The following SORCS2 variants were observed in gnomAD, a reference collection of about 807,000 sequenced individuals.
SORCS2 encodes the protein sortilin related VPS10 domain containing receptor 2.
SORCS2 carries 100 observed loss-of-function variants against 141.6 expected under a neutral mutation model. The ratio of observed to expected loss-of-function variants is 0.71; its 90% CI spans 0.60 to 0.83. The LOEUF (loss-of-function observed/expected upper bound fraction) is 0.83. Among genes scored for constraint, SORCS2 ranks in the 40% least tolerant of loss-of-function variants. The probability of loss-of-function intolerance (pLI) is 0.00; values close to 1 mark genes in which losing one functional copy is unlikely to be tolerated. For synonymous variants in SORCS2, 789 were observed against 676.9 expected (o/e 1.17, Z -2.57); for missense variants, 1,646 against 1,560.2 (o/e 1.05, Z -0.93).
At chr4:7,574,600 G>A (rs1715624733) in intron 3 of SORCS2, among the ~76,000 whole-genome samples, 1 of 151,926 alleles carries the variant, frequency 6.6e-6, no homozygotes, top group Non-Finnish European at 1.5e-5. Flanking sequence ...AGAGAGGCAG[G>A]GAGGCAAGGA....
intron 1 of SORCS2, among the ~76,000 whole-genome samples, chr4:7,353,451 G>A (rs1343356156): frequency 3.3e-5 from 5 of 152,212 alleles, no homozygotes; most frequent in South Asian, 2.1e-4. Flanking sequence ...CCTGATATGC[G>A]GGTTCCTGTG....
intron 1 of SORCS2, among the ~76,000 whole-genome samples, chr4:7,333,376 C>T (rs888734176): frequency 6.6e-5 from 10 of 152,196 alleles, no homozygotes; most frequent in Admixed American, 1.3e-4. Context: ...AGGTGTTAAA[C>T]GTGTTCCCGT....
rs532280396 is a variant in SORCS2 at position 7,665,892 on chromosome 4, G to A, written c.1072-1232G>A. Among the ~76,000 whole-genome samples the A allele has an allele frequency of 1.4e-4, 21 of 152,268 alleles. No homozygotes were observed. The South Asian group carries it at 1.5e-3, about 11-fold the overall frequency. On this transcript the variant is annotated intron_variant, in intron 7 of 26. Coordinates refer to ENST00000507866, the MANE Select transcript of SORCS2 (RefSeq NM_020777.3). ...AGACCCCCGGAGCTCACCTATGGCC[G>A]AGCAGGCTGGGTTATCACTCAGTGC... is the stretch of plus-strand genomic sequence containing the variant.
At chr4:7,272,266 T>G (rs1715195641) in intron 1 of SORCS2, among the ~76,000 whole-genome samples, 1 of 152,216 alleles carries the variant, frequency 6.6e-6, no homozygotes, top group Non-Finnish European at 1.5e-5. Flanking sequence ...CATCTTTGCT[T>G]TGCTGTCTTC....
At position 7,723,792 on chromosome 4, in the gene SORCS2, C is replaced by G; in HGVS notation, c.2520C>G (p.His840Gln). ...CACTGACCGGGGAGCCCATCCGGCACCGCTACGAGAGCCCCGGCATCTACC... is the reference window on the plus strand; with the variant it reads ...CACTGACCGGGGAGCCCATCCGGCAGCGCTACGAGAGCCCCGGCATCTACC... ...NLTLTGEPIRHRYESPGIYRV... is the reference protein window; with the variant it reads ...NLTLTGEPIRQRYESPGIYRV... The change falls in exon 19 of 27, where the codon CAC becomes CAG. Residue 840 changes from histidine to glutamine, a missense_variant. Coordinates refer to ENST00000507866, the MANE Select transcript of SORCS2 (RefSeq NM_020777.3). The G allele has an allele frequency of 1.2e-6, 2 of 1,613,910 alleles. No individual in the cohort carries two copies. The highest frequency in any genetic ancestry group is 1.7e-6 in the Non-Finnish European group (2 of 1,179,898).
At chr4:7,539,986 A>G (rs1577718131) in intron 3 of SORCS2, among the ~76,000 whole-genome samples, 1 of 91,702 alleles carries the variant, frequency 1.1e-5, no homozygotes, top group Non-Finnish European at 2.1e-5. Flanking sequence ...TTCCTGTTGC[A>G]AAGGCCCCAC....
In SORCS2 at chr4:7,409,048, T is replaced by C. The variant is rs61209648; in HGVS notation, c.548+12693T>C. Among the ~76,000 whole-genome samples the C allele has an allele frequency of 3.2e-3, 491 of 152,376 alleles. 4 individuals carry two copies. Among genetic ancestry groups the C allele is most frequent in the African/African-American group, 0.011 (442 of 41,596 alleles). ...AATTCTTGGTCAAGGAGCTCACGTA[T>C]CATCATCTCATTAGAGTCAGTTACT... is the stretch of plus-strand genomic sequence containing the variant. On this transcript the variant is annotated intron_variant, in intron 2 of 26. Coordinates refer to ENST00000507866, the MANE Select transcript of SORCS2 (RefSeq NM_020777.3).
chr4:7,388,111 CATGCACACACATGTGCACACAG>C (rs1723592679), intron 1 of SORCS2, among the ~76,000 whole-genome samples: 1 of 151,754 alleles, frequency 6.6e-6, no homozygotes, highest in South Asian at 2.1e-4. Context: ...TGCACAGACA[CATGCACACACATGTGCACACAG>C]ATGCACACAT....
rs994511275 is a variant in SORCS2, at chr4:7,387,953, T to C, written c.481-8335T>C. Among the ~76,000 whole-genome samples, 155 of 124,624 alleles carry C rather than the reference T, an allele frequency of 1.2e-3. 1 individual carries two copies. Among genetic ancestry groups the C allele is most frequent in the African/African-American group, 5.1e-3 (147 of 29,020 alleles). 81.8% of individuals were successfully genotyped at this position (124,624 alleles called of 152,430 possible). Reference sequence around the variant, plus strand: ...GCACACACCGATACACATACACACATGCACACACACACAGATACACAGAGA... The same window carrying C: ...GCACACACCGATACACATACACACACGCACACACACACAGATACACAGAGA... On this transcript the variant is annotated intron_variant, in intron 1 of 26. Coordinates refer to ENST00000507866, the MANE Select transcript of SORCS2 (RefSeq NM_020777.3).
chr4:7,545,872 T>C (rs1289783583), intron 3 of SORCS2, among the ~76,000 whole-genome samples: 1 of 152,190 alleles, frequency 6.6e-6, no homozygotes, highest in Non-Finnish European at 1.5e-5. Context: ...ACAACAGACA[T>C]TTATTTCTCA....
intron 1 of SORCS2, among the ~76,000 whole-genome samples, chr4:7,269,560 G>A (rs1182587004): frequency 6.6e-6 from 1 of 152,358 alleles, no homozygotes. Flanking sequence ...AGGAAAGGGA[G>A]CTTTGAGACA....
intron 2 of SORCS2, among the ~76,000 whole-genome samples, chr4:7,429,873 G>A (rs1392253447): frequency 1.3e-5 from 2 of 152,162 alleles, no homozygotes; most frequent in Non-Finnish European, 2.9e-5. Context: ...CACCTCTGGG[G>A]AATAGAATAA....
chr4:7,329,380 C>T (rs1016741340), intron 1 of SORCS2, among the ~76,000 whole-genome samples: 16 of 152,190 alleles, frequency 1.1e-4, no homozygotes, highest in Non-Finnish European at 1.9e-4. Flanking sequence ...CTCTTCCCAC[C>T]CATGGAGGAC....
intron 3 of SORCS2, among the ~76,000 whole-genome samples, chr4:7,532,876 A>G (rs6812745): frequency 0.17 from 26,282 of 151,774 alleles, 2,475 homozygotes; most frequent in African/African-American, 0.21. Flanking sequence ...AGCTGGACAG[A>G]CTTGGAATGC....
At chr4:7,328,010 G>A (rs1386515749) in intron 1 of SORCS2, among the ~76,000 whole-genome samples, 1 of 144,542 alleles carries the variant, frequency 6.9e-6, no homozygotes, top group African/African-American at 2.6e-5. Flanking sequence ...GCTGAGCCTC[G>A]TGCTAGGCTT....
intron 2 of SORCS2, among the ~76,000 whole-genome samples, chr4:7,488,773 C>A (rs11730684): frequency 0.27 from 40,562 of 152,214 alleles, 6,639 homozygotes; most frequent in Middle Eastern, 0.39. Context: ...TACATCCTGA[C>A]TGCTTCCTGT....
intron 2 of SORCS2, among the ~76,000 whole-genome samples, chr4:7,417,641 C>G (rs1410150656): frequency 2.0e-5 from 3 of 152,306 alleles, no homozygotes; most frequent in African/African-American, 7.2e-5. Context: ...GACTGTGGGA[C>G]CCGCTCTTCC....
At chr4:7,305,838 C>T (rs972471179) in intron 1 of SORCS2, among the ~76,000 whole-genome samples, 5 of 152,206 alleles carry the variant, frequency 3.3e-5, no homozygotes, top group African/African-American at 4.8e-5. Flanking sequence ...GTCCCCTCCC[C>T]GATCATCCCC....
intron 3 of SORCS2, among the ~76,000 whole-genome samples, chr4:7,598,508 T>C (rs1717435827): frequency 6.6e-6 from 1 of 152,092 alleles, no homozygotes; most frequent in Admixed American, 6.6e-5. Flanking sequence ...CAACTCCACA[T>C]GTGGGAAACT....
Sources: allele counts gnomAD v4.1 joint callset (sites outside exome capture counted in the v4.1 genomes callset), GRCh38; gene constraint gnomAD v4.1.1; transcripts MANE v1.5; gene names NCBI Gene and HGNC (gene_info 2026-07-23, HGNC 2026-07-21).